Variants in TMED8 observed in about 807,000 individuals in gnomAD.
The protein encoded by TMED8 is protein TMED8.
TMED8 carries 15 observed loss-of-function variants against 32.7 expected under a neutral mutation model. That is an observed-to-expected ratio of 0.46 (90% CI 0.31 to 0.71). The LOEUF is 0.71. TMED8 is among the 30% of genes least tolerant of loss of function. The probability of loss-of-function intolerance (pLI) is 0.06; values close to 1 mark genes in which losing one functional copy is unlikely to be tolerated. For synonymous variants in TMED8, 147 were observed against 161.4 expected, an observed-to-expected ratio of 0.91 and a Z score of 0.68; for missense variants, 390 against 423.9, an observed-to-expected ratio of 0.92 and a Z score of 0.70.
In TMED8 at chr14:77,351,699, A is replaced by G; in HGVS notation, c.171T>C (p.Asp57=). ...KDTSLLASAT[D]PEPCSSPHRP... is the part of the protein sequence containing the mutation. ...TGTGGGGTGAGGAGCAGGGTTCTGGATCGGTGGCAGAAGCCAATAAAGAGG... is the reference window on the plus strand; with the variant it reads ...TGTGGGGTGAGGAGCAGGGTTCTGGGTCGGTGGCAGAAGCCAATAAAGAGG... The change falls in exon 2 of 6, where the codon GAT becomes GAC. Residue 57 remains aspartate, a synonymous_variant. Transcript: ENST00000216468. 6.2e-7 allele frequency: 1 copy of G among 1,613,504 alleles called. No homozygotes were observed. Among genetic ancestry groups the G allele is most frequent in the Non-Finnish European group, 8.5e-7 (1 of 1,179,718 alleles).
intron 1 of TMED8, among the ~76,000 whole-genome samples, chr14:77,370,860 A>T (rs1010293620): frequency 1.3e-5 from 2 of 151,888 alleles, no homozygotes; most frequent in African/African-American, 4.8e-5. Flanking sequence ...GATGCAGGAG[A>T]ATCGCTTGAA....
At chr14:77,352,012 T>C (rs1893191381) in intron 1 of TMED8, among the ~76,000 whole-genome samples, 1 of 152,170 alleles carries the variant, frequency 6.6e-6, no homozygotes, top group Non-Finnish European at 1.5e-5. Flanking sequence ...TTAAGAATCA[T>C]ATTTCTGCCA....
chr14:77,360,729 T>C (rs1893416749), intron 1 of TMED8, among the ~76,000 whole-genome samples: 1 of 152,228 alleles, frequency 6.6e-6, no homozygotes, highest in African/African-American at 2.4e-5. Flanking sequence ...CTGGGTCATG[T>C]GGTAGTTCTA....
intron 2 of TMED8, among the ~76,000 whole-genome samples, chr14:77,351,184 A>G (rs576296368): frequency 1.2e-4 from 19 of 152,038 alleles, no homozygotes; most frequent in African/African-American, 4.1e-4. Flanking sequence ...GTTAGAAACA[A>G]AAGTTAAAAA....
chr14:77,351,411 ATTTTTTTTTTTTT>A lies in TMED8; in HGVS notation c.197+249_197+261del, dbSNP rs1181134385. On this transcript the variant is annotated intron_variant, in intron 2 of 5. Transcript: ENST00000216468. ...GTAGTCTGGCCACCACGCCCCGCTA[ATTTTTTTTTTTTT>A]TTTTTTTTTTGGATTTTTAGTAGAG... Among the ~76,000 whole-genome samples the A allele has an allele frequency of 3.6e-3, 365 of 102,138 alleles. 13 individuals are homozygous for A. The East Asian group carries it at 0.085, about 24-fold the overall frequency. The allele number at this position is 102,138 out of a possible 152,430, so 67.0% of individuals were successfully genotyped here.
At chr14:77,357,805 G>A (rs1893325631) in intron 1 of TMED8, among the ~76,000 whole-genome samples, 1 of 152,016 alleles carries the variant, frequency 6.6e-6, no homozygotes, top group African/African-American at 2.4e-5. Flanking sequence ...TTTCTCTAAG[G>A]AGTCCTGGTT....
At position 77,377,016 on chromosome 14, in the gene TMED8, C is replaced by G; in HGVS notation, c.38G>C (p.Trp13Ser). Reference sequence around the variant, plus strand: ...CGACCCTGGGCGGGCTGTGGGGCTCCAGGAGCCCGGCCCCTCAGCCGCCTG... The same window carrying G: ...CGACCCTGGGCGGGCTGTGGGGCTCGAGGAGCCCGGCCCCTCAGCCGCCTG... ...DLQAAEGPGS[W>S]SPTARPGSAG... Residue 13 changes from tryptophan to serine, a missense_variant, in exon 1 of 6, where the codon TGG becomes TCG. Coordinates refer to ENST00000216468, the MANE Select transcript of TMED8 (RefSeq NM_213601.3). 2.1e-6 allele frequency: 3 copies of G among 1,409,982 alleles called. No homozygotes were observed. The South Asian group carries it at 4.6e-5, about 21-fold the overall frequency. 87.3% of individuals were successfully genotyped at this position (1,409,982 alleles called of 1,614,324 possible).
intron 1 of TMED8, among the ~76,000 whole-genome samples, chr14:77,374,878 A>G (rs1893776551): frequency 6.6e-6 from 1 of 152,246 alleles, no homozygotes; most frequent in African/African-American, 2.4e-5. Context: ...CCTTGAGGAC[A>G]GAGACCATAA....
chr14:77,375,074 C>G (rs1893781281), intron 1 of TMED8, among the ~76,000 whole-genome samples: 1 of 152,180 alleles, frequency 6.6e-6, no homozygotes, highest in Non-Finnish European at 1.5e-5. Context: ...GTTGACATGA[C>G]TAAATCAGAA....
At position 77,350,551 on chromosome 14, in the gene TMED8, G is replaced by T. The variant is rs1038194454; in HGVS notation, c.197+1122C>A. Among the ~76,000 whole-genome samples the T allele has an allele frequency of 3.3e-5, 5 of 152,172 alleles. No individual in the cohort carries two copies. In the East Asian group the frequency reaches 9.6e-4, roughly 29 times the overall value. On this transcript the variant is annotated intron_variant, in intron 2 of 5. Transcript: ENST00000216468. ...TATTGGAAAGGTGAGACTACAACAG[G>T]CTATCTGAATCATTAGCTTGACTTA...
chr14:77,347,563 C>T (rs897414348), intron 2 of TMED8, among the ~76,000 whole-genome samples: 6 of 152,192 alleles, frequency 3.9e-5, no homozygotes, highest in Admixed American at 2.6e-4. Flanking sequence ...CCACGACACC[C>T]GGCTAATTTT....
intron 1 of TMED8, among the ~76,000 whole-genome samples, chr14:77,357,838 T>C (rs926972717): frequency 6.6e-6 from 1 of 152,100 alleles, no homozygotes; most frequent in Non-Finnish European, 1.5e-5. Context: ...AAATTGTCTT[T>C]AAAGGCTGGG....
In TMED8 at chr14:77,339,583, A is replaced by AT. The variant is rs534086864; in HGVS notation, c.*2187dup. On this transcript the variant is annotated 3_prime_UTR_variant, in exon 6 of 6. Coordinates refer to ENST00000216468, the MANE Select transcript of TMED8 (RefSeq NM_213601.3). ...CTCAGTAGAAAATTATTTTACAAAG[A>AT]TTATATTCAGTTAGCTAAGGCATGA... 24 of 152,360 alleles carry AT rather than the reference A, an allele frequency of 1.6e-4. No individual in the cohort carries two copies. Among genetic ancestry groups the AT allele is most frequent in the African/African-American group, 5.8e-4 (24 of 41,588 alleles). 9.4% of individuals were successfully genotyped at this position (152,360 alleles called of 1,614,324 possible). A position where few individuals can be genotyped will look rare whatever the true frequency, so the allele number is the denominator to read the frequency against.
intron 5 of TMED8, 133 bp from the exon 6 acceptor site, chr14:77,342,121 C>G: frequency 1.4e-6 from 1 of 718,514 alleles, no homozygotes; most frequent in Non-Finnish European, 2.3e-6. Flanking sequence ...TTGGAAATGT[C>G]TGGTGATCTT....
At chr14:77,374,249 A>C (rs184035212) in intron 1 of TMED8, among the ~76,000 whole-genome samples, 1 of 152,324 alleles carries the variant, frequency 6.6e-6, no homozygotes, top group Non-Finnish European at 1.5e-5. Flanking sequence ...AATCAAACGA[A>C]TTCCAAGTTT....
At chr14:77,368,894 A>C (rs914783610) in intron 1 of TMED8, among the ~76,000 whole-genome samples, 1 of 152,182 alleles carries the variant, frequency 6.6e-6, no homozygotes, top group Non-Finnish European at 1.5e-5. Context: ...TTGATGAACC[A>C]AAGTACTTTT....
At chr14:77,345,659 CAA>C (rs11297608) in intron 3 of TMED8, among the ~76,000 whole-genome samples, 3,064 of 103,088 alleles carry the variant, frequency 0.03, 97 homozygotes, top group African/African-American at 0.1. Flanking sequence ...ACCTTTGTCT[CAA>C]AAAAAAAAAA....
intron 2 of TMED8, 53 bp downstream of exon 2, chr14:77,351,620 T>G (rs546344027): frequency 1.4e-5 from 21 of 1,495,404 alleles, no homozygotes; most frequent in African/African-American, 4.2e-5. Flanking sequence ...CTTTCACCAG[T>G]TCCTCATCTC....
Position 77,376,943 on chromosome 14 carries a change from GGCC to G in TMED8, c.108_110del (p.Ala38del). On this transcript the variant is annotated inframe_deletion, in exon 1 of 6. Transcript: ENST00000216468. This position sits in a 1 kb window ranked among gnomAD's most constrained non-coding sequence, Gnocchi z 4.0. ...CGCCCCGGCCTTGCGTACCTGAGGC[GGCC>G]GCCTGGCTCCCCTCCACTCCCTGGC... is the stretch of plus-strand genomic sequence containing the variant. 6.9e-7 allele frequency: 1 copy of G among 1,453,622 alleles called. No individual in the cohort carries two copies. The highest frequency in any genetic ancestry group is 9.0e-7 in the Non-Finnish European group (1 of 1,110,142). 90.0% of individuals were successfully genotyped at this position (1,453,622 alleles called of 1,614,324 possible). A position where few individuals can be genotyped will look rare whatever the true frequency, so the allele number is the denominator to read the frequency against.
Sources: gnomAD v4.1 joint callset for allele counts (sites outside exome capture counted in the v4.1 genomes callset) on GRCh38, gnomAD v4.1.1 for gene constraint, Gnocchi (gnomAD v3.1) non-coding constraint, MANE v1.5 for transcripts, NCBI Gene and HGNC (gene_info 2026-07-23, HGNC 2026-07-21) for gene names.